The following RERG variants were observed in gnomAD, a reference collection of about 807,000 sequenced individuals.
RERG encodes ras-related and estrogen-regulated growth inhibitor.
A neutral mutation model predicts 23.2 loss-of-function variants in RERG; 25 were observed. The observed-to-expected ratio is 1.08, with a 90% CI of 0.79 to 1.50. The LOEUF is 1.50. RERG is among the 40% of genes most tolerant of loss of function. The pLI, the probability that RERG is intolerant of heterozygous loss-of-function variation, is 0.00. For missense variants in RERG, 253 were observed against 250.1 expected, an observed-to-expected ratio of 1.01 and a Z score of -0.08; for synonymous variants, 81 against 89.1, an observed-to-expected ratio of 0.91 and a Z score of 0.51.
chr12:15,158,355 C>T (rs1406454350), intron 2 of RERG, among the ~76,000 whole-genome samples: 5 of 152,074 alleles, frequency 3.3e-5, no homozygotes, highest in East Asian at 3.9e-4. Flanking sequence ...GATCTTGGCT[C>T]GCTGCAGCCT....
rs1010142755 is a variant in RERG at position 15,109,039 on chromosome 12, G to A, written c.*71C>T. ...ATCCAAACAAAGAATGCAATATTTT[G>A]TTTTATTTTTGAAAGGGGAACAGAA... On this transcript the variant is annotated 3_prime_UTR_variant, in exon 5 of 5. Transcript: ENST00000256953. 1 of 1,370,878 alleles carries A rather than the reference G, an allele frequency of 7.3e-7. No individual in the cohort carries two copies. Among genetic ancestry groups the A allele is most frequent in the African/African-American group, 1.5e-5 (1 of 68,670 alleles). 84.9% of individuals were successfully genotyped at this position (1,370,878 alleles called of 1,614,324 possible).
chr12:15,130,583 T>C (rs1367653060), intron 2 of RERG, among the ~76,000 whole-genome samples: 1 of 152,162 alleles, frequency 6.6e-6, no homozygotes, highest in Non-Finnish European at 1.5e-5. Context: ...CCATTTGGCT[T>C]TATAAAAAAT....
intron 2 of RERG, 196 bp downstream of exon 2, chr12:15,217,233 G>T: frequency 1.8e-6 from 1 of 542,024 alleles, no homozygotes; most frequent in Non-Finnish European, 3.3e-6. Context: ...AGCTACTTCA[G>T]CATAAATAAG....
chr12:15,158,441 CT>C (rs1864554880), intron 2 of RERG, among the ~76,000 whole-genome samples: 1 of 152,034 alleles, frequency 6.6e-6, no homozygotes, highest in South Asian at 2.1e-4. Flanking sequence ...ATCACCACAC[CT>C]GGCTAATTTT....
At chr12:15,157,485 A>C (rs1861605) in intron 2 of RERG, among the ~76,000 whole-genome samples, 1 of 152,216 alleles carries the variant, frequency 6.6e-6, no homozygotes, top group African/African-American at 2.4e-5. Context: ...CTTGGGAAAC[A>C]ACCATGAAAA....
intron 2 of RERG, among the ~76,000 whole-genome samples, chr12:15,146,189 GATAA>G (rs780020482): frequency 3.9e-5 from 6 of 152,124 alleles, no homozygotes; most frequent in Non-Finnish European, 5.9e-5. Flanking sequence ...ACACAAAAGT[GATAA>G]ATAAACTTTA....
At chr12:15,117,796 A>T (rs764877765) in intron 3 of RERG, among the ~76,000 whole-genome samples, 44 of 151,960 alleles carry the variant, frequency 2.9e-4, no homozygotes, top group Non-Finnish European at 4.9e-4. Flanking sequence ...GGAGATAGGG[A>T]TTCAATTCTT....
intron 2 of RERG, among the ~76,000 whole-genome samples, chr12:15,136,009 T>A (rs527607054): frequency 6.6e-6 from 1 of 152,246 alleles, no homozygotes; most frequent in South Asian, 2.1e-4. Context: ...AACTCACTAG[T>A]GAACCCATCT....
rs551924204 is a variant in RERG at position 15,117,801 on chromosome 12, A to G, written c.118+3262T>C. 8.6e-5 allele frequency among the ~76,000 whole-genome samples: 13 copies of G among 152,014 alleles called. No individual in the cohort carries two copies. In the South Asian group the frequency reaches 2.7e-3, roughly 32 times the overall value. ...TATGACTCTTGGAGATAGGGATTCA[A>G]TTCTTGGTTGGGATCCATTCAGAAC... On this transcript the variant is annotated intron_variant, in intron 3 of 4. Coordinates refer to ENST00000256953, the MANE Select transcript of RERG (RefSeq NM_032918.3).
intron 2 of RERG, among the ~76,000 whole-genome samples, chr12:15,161,223 A>AAAGAAAGC: frequency 8.2e-6 from 1 of 122,682 alleles, no homozygotes; most frequent in African/African-American, 2.8e-5. Context: ...AGAAAGAAAG[A>AAAGAAAGC]AAGAAACAGG....
intron 3 of RERG, chr12:15,112,359 G>A (rs1863636352): frequency 6.6e-6 from 1 of 152,320 alleles, no homozygotes. Flanking sequence ...ATGGAGGGGA[G>A]GTGGAACTAT....
intron 2 of RERG, among the ~76,000 whole-genome samples, chr12:15,126,722 TTC>T (rs1361789906): frequency 3.9e-5 from 5 of 129,840 alleles, no homozygotes; most frequent in Admixed American, 8.1e-5. Flanking sequence ...TTCTTTTTCT[TTC>T]TTTTTTTTTT....
intron 2 of RERG, among the ~76,000 whole-genome samples, chr12:15,164,041 G>A (rs1247918889): frequency 6.6e-6 from 1 of 152,150 alleles, no homozygotes; most frequent in Non-Finnish European, 1.5e-5. Flanking sequence ...GAGAGACAAG[G>A]AAATGCAGTT....
At chr12:15,111,510 T>A in intron 3 of RERG, 93 bp from the exon 4 acceptor site, 1 of 962,956 alleles carries the variant, frequency 1.0e-6, no homozygotes, top group Non-Finnish European at 1.6e-6. Context: ...GGGAGAAGTA[T>A]TCCTGATTTT....
chr12:15,151,276 CAT>C (rs1257790860), intron 2 of RERG, among the ~76,000 whole-genome samples: 2 of 152,130 alleles, frequency 1.3e-5, no homozygotes, highest in Admixed American at 6.5e-5. Flanking sequence ...ATAAGAACCA[CAT>C]GTCTTTTAAA....
intron 2 of RERG, among the ~76,000 whole-genome samples, chr12:15,161,206 G>GAA (rs1565524194): frequency 2.8e-5 from 4 of 143,442 alleles, no homozygotes; most frequent in Non-Finnish European, 4.6e-5. Flanking sequence ...AAGAAAGAAA[G>GAA]AAAGAAAGAA....
At chr12:15,137,616 A>T (rs1864165856) in intron 2 of RERG, among the ~76,000 whole-genome samples, 1 of 151,862 alleles carries the variant, frequency 6.6e-6, no homozygotes, top group Admixed American at 6.6e-5. Flanking sequence ...ATCCAAGTCC[A>T]CTTGCAAATA....
chr12:15,212,181 TC>T (rs1321438558), intron 2 of RERG, among the ~76,000 whole-genome samples: 2 of 145,850 alleles, frequency 1.4e-5, no homozygotes, highest in African/African-American at 5.1e-5. Context: ...TGCCTCAGCC[TC>T]CCGAGTAGCT....
intron 2 of RERG, among the ~76,000 whole-genome samples, chr12:15,198,786 C>G (rs1168363141): frequency 6.6e-6 from 1 of 152,128 alleles, no homozygotes; most frequent in African/African-American, 2.4e-5. Flanking sequence ...AAGCCAGTAA[C>G]CTTATATTTC....
Sources: allele counts gnomAD v4.1 joint callset (sites outside exome capture counted in the v4.1 genomes callset), GRCh38; gene constraint gnomAD v4.1.1; transcripts MANE v1.5; gene names NCBI Gene and HGNC (gene_info 2026-07-23, HGNC 2026-07-21).